COL19A1: variants seen among roughly 807,000 people sequenced by gnomAD.
COL19A1 encodes collagen type XIX alpha 1 chain, also known as collagen alpha-1(XIX) chain.
COL19A1 carries 159 observed loss-of-function variants against 190.2 expected under a neutral mutation model. The observed-to-expected ratio is 0.84, with a 90% confidence interval of 0.73 to 0.95. The LOEUF is 0.95. COL19A1 is among the 40% of genes least tolerant of loss of function. COL19A1 has a pLI of 0.00. For missense variants in COL19A1, 1,418 were observed against 1,431.9 expected (o/e 0.99, Z 0.16); for synonymous variants, 509 against 458.9 (o/e 1.11, Z -1.39).
intron 4 of COL19A1, among the ~76,000 whole-genome samples, chr6:69,924,600 T>A (rs1772229383): frequency 6.6e-6 from 1 of 151,998 alleles, no homozygotes; most frequent in Admixed American, 6.6e-5. Flanking sequence ...TGATTTATAA[T>A]CCTTTGGGTA....
chr6:70,073,825 T>C (rs1781698986), intron 15 of COL19A1, among the ~76,000 whole-genome samples: 1 of 152,346 alleles, frequency 6.6e-6, no homozygotes, highest in African/African-American at 2.4e-5. Context: ...ATGAACAAAT[T>C]GTGCTGATCA....
chr6:69,887,808 T>C (rs1482056815), intron 2 of COL19A1, among the ~76,000 whole-genome samples: 1 of 151,736 alleles, frequency 6.6e-6, no homozygotes, highest in Admixed American at 6.6e-5. Context: ...TAGGCCAGAG[T>C]CCCTGCTAGA....
At chr6:70,092,158 C>T (rs1245379728) in intron 15 of COL19A1, among the ~76,000 whole-genome samples, 1 of 152,068 alleles carries the variant, frequency 6.6e-6, no homozygotes, top group African/African-American at 2.4e-5. Flanking sequence ...AGCGCACACA[C>T]GTCTAAGACA....
chr6:69,919,540 C>G (rs1468706343), intron 4 of COL19A1, among the ~76,000 whole-genome samples: 1 of 151,688 alleles, frequency 6.6e-6, no homozygotes, highest in Non-Finnish European at 1.5e-5. Flanking sequence ...TTTGTATTTC[C>G]TAATGGTTTT....
intron 16 of COL19A1, among the ~76,000 whole-genome samples, chr6:70,107,092 T>C (rs551751172): frequency 2.6e-5 from 4 of 152,282 alleles, no homozygotes; most frequent in African/African-American, 7.2e-5. Flanking sequence ...TACTTGGAAA[T>C]GTCAAGTAAC....
At chr6:70,098,508 T>C (rs1320958020) in intron 15 of COL19A1, 3 of 479,716 alleles carry the variant, frequency 6.3e-6, no homozygotes, top group South Asian at 4.7e-5. Flanking sequence ...CCAGTCCTGG[T>C]ATTATTTCAT....
intron 16 of COL19A1, among the ~76,000 whole-genome samples, chr6:70,120,038 C>T (rs1030969563): frequency 6.6e-6 from 1 of 152,212 alleles, no homozygotes; most frequent in Admixed American, 6.5e-5. Flanking sequence ...TTGCAGTGAG[C>T]TGAGATCGTG....
chr6:69,909,135 G>A (rs1382552271), intron 4 of COL19A1, among the ~76,000 whole-genome samples: 1 of 152,118 alleles, frequency 6.6e-6, no homozygotes, highest in Non-Finnish European at 1.5e-5. Flanking sequence ...ATGAAAGTGA[G>A]AAGCTGCAAT....
intron 11 of COL19A1, among the ~76,000 whole-genome samples, chr6:69,974,569 G>A (rs1391838924): frequency 6.6e-6 from 1 of 152,136 alleles, no homozygotes; most frequent in Non-Finnish European, 1.5e-5. Context: ...TGGAAAGTTA[G>A]GAAGTTATCT....
intron 18 of COL19A1, among the ~76,000 whole-genome samples, chr6:70,135,160 T>C (rs1284069806): frequency 6.6e-6 from 1 of 152,078 alleles, no homozygotes; most frequent in African/African-American, 2.4e-5. Flanking sequence ...TGGGAAGGGG[T>C]GCCAAGGTTC....
chr6:69,949,127 T>G (rs1025365565), intron 9 of COL19A1, among the ~76,000 whole-genome samples: 3 of 151,866 alleles, frequency 2.0e-5, no homozygotes, highest in Admixed American at 1.3e-4. Context: ...TTAAAGGGTC[T>G]CACAGACAGT....
chr6:70,150,146 G>C, intron 30 of COL19A1, 101 bp downstream of exon 30: 3 of 1,174,578 alleles, frequency 2.6e-6, no homozygotes, highest in South Asian at 1.3e-5. Context: ...TAGAATGCTC[G>C]GTGACTGCTT....
chr6:70,141,797 T>C (rs763980363), intron 20 of COL19A1, 96 bp from the exon 21 acceptor site: 1 of 797,430 alleles, frequency 1.3e-6, no homozygotes, highest in Non-Finnish European at 2.1e-6. Context: ...CCCTTTTTAT[T>C]GTATGTTAAT....
At chr6:69,888,316 C>CA (rs1156715071) in intron 2 of COL19A1, among the ~76,000 whole-genome samples, 7 of 150,874 alleles carry the variant, frequency 4.6e-5, no homozygotes, top group Admixed American at 2.6e-4. Flanking sequence ...ACCCAACTAG[C>CA]AAAAAAAAAC....
chr6:70,051,934 T>A (rs920083007), intron 14 of COL19A1, among the ~76,000 whole-genome samples: 1 of 152,028 alleles, frequency 6.6e-6, no homozygotes, highest in African/African-American at 2.4e-5. Flanking sequence ...ACTATTGATC[T>A]CAACCCTGTC....
At chr6:70,168,632 G>A (rs770791974) in intron 39 of COL19A1, 23 bp from the exon 40 acceptor site, 2 of 1,611,258 alleles carry the variant, frequency 1.2e-6, no homozygotes, top group Non-Finnish European at 1.7e-6. Context: ...TTTGAAAAAT[G>A]ACTTTCCATG....
intron 11 of COL19A1, among the ~76,000 whole-genome samples, chr6:70,005,076 C>T (rs372173255): frequency 5.9e-5 from 9 of 152,194 alleles, no homozygotes; most frequent in African/African-American, 2.2e-4. Flanking sequence ...TCATGATGTG[C>T]CCGCCTTGGC....
At position 70,061,697 on chromosome 6, in the gene COL19A1, AT is replaced by A. The variant is rs1780838125; in HGVS notation, c.1171-6725del. On this transcript the variant is annotated intron_variant, in intron 14 of 50. Transcript: ENST00000620364. Reference sequence around the variant, plus strand: ...CCTGATGTGTATGTTTTAGTAACTCATGTTTAAAAACACTGAATGAGCTGTC... The same window carrying A: ...CCTGATGTGTATGTTTTAGTAACTCAGTTTAAAAACACTGAATGAGCTGTC... Among the ~76,000 whole-genome samples the A allele has an allele frequency of 2.0e-5, 3 of 152,110 alleles. No homozygotes were observed. The South Asian group carries it at 6.2e-4, about 31-fold the overall frequency.
At chr6:70,194,987 A>G (rs149031042) in intron 48 of COL19A1, among the ~76,000 whole-genome samples, 38 of 151,422 alleles carry the variant, frequency 2.5e-4, no homozygotes, top group African/African-American at 8.2e-4. Context: ...GCATATATAT[A>G]TGAATGTGTG....
Sources: gnomAD v4.1 joint callset for allele counts (sites outside exome capture counted in the v4.1 genomes callset) on GRCh38, gnomAD v4.1.1 for gene constraint, MANE v1.5 for transcripts, NCBI Gene and HGNC (gene_info 2026-07-23, HGNC 2026-07-21) for gene names.